Variants in LPCAT1 observed in about 807,000 individuals in gnomAD.
LPCAT1 encodes the protein lysophosphatidylcholine acyltransferase 1.
In LPCAT1, 23 loss-of-function variants were observed where a neutral mutation model predicts 60.9. That is an observed-to-expected ratio of 0.38 (90% confidence interval 0.27 to 0.53). The LOEUF is 0.53. Ranked by LOEUF, LPCAT1 falls within the 20% of genes least tolerant of loss-of-function variation. LPCAT1 has a pLI of 0.82. For missense variants in LPCAT1, 622 were observed against 723.6 expected (o/e 0.86, Z 1.61); for synonymous variants, 340 against 301.1 (o/e 1.13, Z -1.34).
Position 1,463,686 on chromosome 5 carries a change from C to G in LPCAT1, c.1570G>C (p.Ala524Pro). 1 of 1,614,252 alleles carries G rather than the reference C, an allele frequency of 6.2e-7. No homozygotes were observed. Among genetic ancestry groups the G allele is most frequent in the Non-Finnish European group, 8.5e-7 (1 of 1,180,056 alleles). Residue 524 changes from alanine to proline, a missense_variant, in exon 14 of 14, where the codon GCT (alanine) becomes CCT (proline). Transcript: ENST00000283415. ...CADFSPENSD[A>P]GRKPVRKKLD ...TTCTTGCGAACAGGCTTCCGCCCAG[C>G]GTCTGAGTTTTCCGGGCTGAAATCG...
intron 1 of LPCAT1, among the ~76,000 whole-genome samples, chr5:1,501,936 G>A (rs1022500403): frequency 6.6e-6 from 1 of 151,222 alleles, no homozygotes; most frequent in South Asian, 2.1e-4. Context: ...AACACTGACC[G>A]ACACTGACCA....
At chr5:1,515,568 CT>C (rs1426378767) in intron 1 of LPCAT1, among the ~76,000 whole-genome samples, 1 of 151,500 alleles carries the variant, frequency 6.6e-6, no homozygotes, top group Non-Finnish European at 1.5e-5. Flanking sequence ...GCCCAACCCC[CT>C]GGCCTGCCCT....
intron 2 of LPCAT1, 41 bp downstream of exon 2, chr5:1,501,420 A>C (rs772776520): frequency 3.8e-5 from 56 of 1,484,586 alleles, no homozygotes; most frequent in Admixed American, 7.9e-5. Context: ...TGGCCGCGTG[A>C]CCCCCCCCCA....
Position 1,463,297 on chromosome 5 carries a change from C to T in LPCAT1, c.*354G>A, listed in dbSNP as rs559685964. ...TGCTGAGTGTGCACGGAGGCCCGCC[C>T]GGTGCACGCTGCCGCCGGAAGAGGC... On this transcript the variant is annotated 3_prime_UTR_variant, in exon 14 of 14. Transcript: ENST00000283415. The T allele has an allele frequency of 1.9e-4, 47 of 244,846 alleles. 1 individual carries two copies. The South Asian group carries it at 3.5e-3, about 18-fold the overall frequency. 15.2% of individuals were successfully genotyped at this position (244,846 alleles called of 1,614,324 possible). A position where few individuals can be genotyped will look rare whatever the true frequency, so the allele number is the denominator to read the frequency against.
intron 4 of LPCAT1, among the ~76,000 whole-genome samples, chr5:1,488,927 C>T (rs1209876600): frequency 1.3e-5 from 2 of 152,258 alleles, no homozygotes; most frequent in African/African-American, 2.4e-5. Context: ...GCAGGAGAGC[C>T]GAGCCCCAGT....
chr5:1,474,600 T>C lies in LPCAT1; in HGVS notation c.985A>G (p.Thr329Ala), dbSNP rs751223289. The C allele has an allele frequency of 1.2e-6, 2 of 1,614,040 alleles. No individual in the cohort carries two copies. Among genetic ancestry groups the C allele is most frequent in the South Asian group, 2.2e-5 (2 of 91,074 alleles). ...AGCCTGGCAAATTCTAAAAGGCAAG[T>C]GTCAGCGGGGAGACGGAGCTGTCCT... ...AEGQLRLPAD[T>A]CLLEFARLVR... Residue 329 changes from threonine to alanine, a missense_variant, in exon 10 of 14, where the codon ACT (threonine) becomes GCT (alanine). Thr to Ala is a moderately conservative substitution (Grantham distance 58, BLOSUM62 0). Transcript: ENST00000283415.
rs1167817072 is a variant in LPCAT1 at position 1,462,236 on chromosome 5, AC to A, written c.*1414del. 1 of 152,554 alleles carries A rather than the reference AC, an allele frequency of 6.6e-6. No homozygotes were observed. Among genetic ancestry groups the A allele is most frequent in the African/African-American group, 2.4e-5 (1 of 41,444 alleles). 9.5% of individuals were successfully genotyped at this position (152,554 alleles called of 1,614,324 possible). A position where few individuals can be genotyped will look rare whatever the true frequency, so the allele number is the denominator to read the frequency against. ...GAAATCAAAAAAATTTTCCAAACAA[AC>A]CCGGAGCCTTTGCTTTAGGAAGCAA... On this transcript the variant is annotated 3_prime_UTR_variant, in exon 14 of 14. Coordinates refer to ENST00000283415, the MANE Select transcript of LPCAT1 (RefSeq NM_024830.5).
intron 1 of LPCAT1, among the ~76,000 whole-genome samples, chr5:1,503,731 G>A (rs578102767): frequency 6.6e-6 from 1 of 152,256 alleles, no homozygotes; most frequent in South Asian, 2.1e-4. Context: ...TGTTTATAGA[G>A]TCCCTTTTTT....
chr5:1,497,543 T>C (rs1329557383), intron 2 of LPCAT1, among the ~76,000 whole-genome samples: 1 of 152,260 alleles, frequency 6.6e-6, no homozygotes, highest in Non-Finnish European at 1.5e-5. Context: ...GGGCCACGTC[T>C]GGCGGGGCTT....
chr5:1,462,686 G>A lies in LPCAT1; in HGVS notation c.*965C>T, dbSNP rs1409812732. The A allele has an allele frequency of 6.6e-6, 1 of 152,270 alleles. No individual in the cohort carries two copies. The allele number at this position is 152,270 out of a possible 1,614,324, so 9.4% of individuals were successfully genotyped here. On this transcript the variant is annotated 3_prime_UTR_variant, in exon 14 of 14. Transcript: ENST00000283415. The stretch of plus-strand genomic sequence containing the variant: ...CGCTTCCAGCAGGGACCTGGCCTGA[G>A]GGCAAGGGAGGAGCGGCACGGCGGC...
rs1735248650 is a variant in LPCAT1, at chr5:1,483,595, T to C, written c.668-109A>G. The C allele has an allele frequency of 8.7e-7, 1 of 1,146,638 alleles. No individual in the cohort carries two copies. The highest frequency in any genetic ancestry group is 2.0e-5 in the Admixed American group (1 of 51,252). The allele number at this position is 1,146,638 out of a possible 1,614,324, so 71.0% of individuals were successfully genotyped here. A position where few individuals can be genotyped will look rare whatever the true frequency, so the allele number is the denominator to read the frequency against. On this transcript the variant is annotated intron_variant, in intron 5 of 13. Coordinates refer to ENST00000283415, the MANE Select transcript of LPCAT1 (RefSeq NM_024830.5). This position sits in a 1 kb window ranked among gnomAD's most constrained non-coding sequence, Gnocchi z 9.2. ...AAAAGTGAGCTTTTCTGTCTAGGCC[T>C]TCCTGGTCAGCAAGGGCACTCCATG... is the stretch of plus-strand genomic sequence containing the variant.
In LPCAT1 at chr5:1,474,704, C is replaced by G; in HGVS notation, c.900-19G>C. On this transcript the variant is annotated intron_variant, in intron 9 of 13. Transcript: ENST00000283415. Reference sequence around the variant, plus strand: ...CAAGGCCCTACAAGGAGGGCAGCACCCCCGTCAGCCCAGCCTCGTGGCAGC... The same window carrying G: ...CAAGGCCCTACAAGGAGGGCAGCACGCCCGTCAGCCCAGCCTCGTGGCAGC... The G allele has an allele frequency of 6.2e-7, 1 of 1,607,250 alleles. No individual in the cohort carries two copies. The highest frequency in any genetic ancestry group is 8.5e-7 in the Non-Finnish European group (1 of 1,175,758).
At chr5:1,489,334 C>G (rs1006414645) in intron 4 of LPCAT1, among the ~76,000 whole-genome samples, 4 of 152,230 alleles carry the variant, frequency 2.6e-5, no homozygotes, top group Non-Finnish European at 5.9e-5. Flanking sequence ...GCTGCCCCTA[C>G]AGCTGGGTTC....
At chr5:1,516,117 A>C (rs1736499220) in intron 1 of LPCAT1, among the ~76,000 whole-genome samples, 1 of 152,214 alleles carries the variant, frequency 6.6e-6, no homozygotes, top group African/African-American at 2.4e-5. Flanking sequence ...GCCCAGTGGC[A>C]GTTGTGGGGG....
chr5:1,462,926 C>T lies in LPCAT1; in HGVS notation c.*725G>A, dbSNP rs1031405240. On this transcript the variant is annotated 3_prime_UTR_variant, in exon 14 of 14. Transcript: ENST00000283415. ...TTGAGTTCACACCTCCCCAGGGGAC[C>T]CAGCGGAAGGAGAGGGATTACCTGC... The T allele has an allele frequency of 7.9e-5, 12 of 151,764 alleles. No homozygotes were observed. Among genetic ancestry groups the T allele is most frequent in the African/African-American group, 2.9e-4 (12 of 41,274 alleles). The allele number at this position is 151,764 out of a possible 1,614,324, so 9.4% of individuals were successfully genotyped here.
At chr5:1,488,534 ATAT>A in intron 4 of LPCAT1, 83 bp from the exon 5 acceptor site, 1 of 950,128 alleles carries the variant, frequency 1.1e-6, no homozygotes, top group South Asian at 1.5e-5. Flanking sequence ...TCTTCACAAT[ATAT>A]TTTCTTTTCT....
chr5:1,481,610 C>A lies in LPCAT1; in HGVS notation c.727-634G>T, dbSNP rs1735145937. 6.6e-6 allele frequency among the ~76,000 whole-genome samples: 1 copy of A among 152,258 alleles called. No individual in the cohort carries two copies. The highest frequency in any genetic ancestry group is 6.5e-5 in the Admixed American group (1 of 15,288). ...GCTAAGCTAGTGCTTCTTGGTGCATCCAGTAATAGTGTGTTGCTTTAAACA... is the reference window on the plus strand; with the variant it reads ...GCTAAGCTAGTGCTTCTTGGTGCATACAGTAATAGTGTGTTGCTTTAAACA... On this transcript the variant is annotated intron_variant, in intron 6 of 13. Transcript: ENST00000283415. This position sits in a 1 kb window ranked among gnomAD's most constrained non-coding sequence, Gnocchi z 7.8.
chr5:1,470,000 G>A (rs533404385), intron 12 of LPCAT1, among the ~76,000 whole-genome samples: 7 of 152,320 alleles, frequency 4.6e-5, no homozygotes, highest in South Asian at 2.1e-4. Context: ...CTTTTCATGT[G>A]GGGACATTCC....
chr5:1,466,718 C>A, intron 13 of LPCAT1, 31 bp downstream of exon 13: 1 of 1,591,274 alleles, frequency 6.3e-7, no homozygotes, highest in African/African-American at 1.3e-5. Context: ...GCCCAAGGGT[C>A]GCGAGGACGA....
Sources: allele counts gnomAD v4.1 joint callset (sites outside exome capture counted in the v4.1 genomes callset), GRCh38; gene constraint gnomAD v4.1.1; non-coding constraint Gnocchi (gnomAD v3.1); transcripts MANE v1.5; gene names NCBI Gene and HGNC (gene_info 2026-07-23, HGNC 2026-07-21).